Variants in ZNF704 observed in about 807,000 individuals in gnomAD.
ZNF704 encodes glucocorticoid induced gene 1.
Under a neutral mutation model 44.7 loss-of-function variants are expected in ZNF704, and 10 were observed. That is an observed-to-expected ratio of 0.22 (90% confidence interval 0.14 to 0.38). The LOEUF (loss-of-function observed/expected upper bound fraction) is 0.38, where lower values mean the gene tolerates loss of function less well. Ranked by LOEUF, ZNF704 falls within the 10% of genes least tolerant of loss-of-function variation. ZNF704 has a pLI of 1.00. For missense variants in ZNF704, 390 were observed against 545.5 expected (o/e 0.71, Z 2.84); for synonymous variants, 211 against 207.6 (o/e 1.02, Z -0.14).
intron 2 of ZNF704, among the ~76,000 whole-genome samples, chr8:80,712,516 C>T (rs746423794): frequency 2.6e-4 from 40 of 152,138 alleles, no homozygotes; most frequent in Non-Finnish European, 7.3e-5. Flanking sequence ...TCCCCAGAGA[C>T]ATGTCAAAAA....
rs1554566909 is a variant in ZNF704 at position 80,641,209 on chromosome 8, TTC to T, written c.*155_*156del. ...TCATAGGTGGTGACTTAAACAATTT[TTC>T]TGTGTTTTTGCTGTTATTCCTCCAA... On this transcript the variant is annotated 3_prime_UTR_variant, in exon 9 of 9. Coordinates refer to ENST00000327835, the MANE Select transcript of ZNF704 (RefSeq NM_001033723.3). The T allele has an allele frequency of 4.2e-6, 2 of 473,780 alleles. No individual in the cohort carries two copies. The highest frequency in any genetic ancestry group is 7.4e-6 in the Non-Finnish European group (2 of 269,236). The allele number at this position is 473,780 out of a possible 1,614,324, so 29.3% of individuals were successfully genotyped here. A position where few individuals can be genotyped will look rare whatever the true frequency, so the allele number is the denominator to read the frequency against.
rs776146149 is a variant in ZNF704, at chr8:80,665,062, T to C, written c.680A>G (p.Tyr227Cys). ...GTAAAAGTCCTCTTCTCCATCACTG[T>C]AGTCAGAGTCTCCAACGCGCCTAAT... ...IHLGRVGDSD[Y>C]SDGEEDFYYT... Residue 227 changes from tyrosine to cysteine, a missense_variant, in exon 6 of 9, where the codon TAC (tyrosine) becomes TGC (cysteine). Transcript: ENST00000327835. The C allele has an allele frequency of 1.2e-6, 2 of 1,614,194 alleles. No individual in the cohort carries two copies. Among genetic ancestry groups the C allele is most frequent in the Non-Finnish European group, 8.5e-7 (1 of 1,180,006 alleles).
chr8:80,662,136 T>C (rs1267813811), intron 6 of ZNF704, among the ~76,000 whole-genome samples: 1 of 152,110 alleles, frequency 6.6e-6, no homozygotes, highest in Non-Finnish European at 1.5e-5. Flanking sequence ...AAAATGTTCA[T>C]GATATATTAA....
At chr8:80,860,432 G>T (rs1809040217) in intron 1 of ZNF704, among the ~76,000 whole-genome samples, 1 of 152,322 alleles carries the variant, frequency 6.6e-6, no homozygotes. Flanking sequence ...AACTTCACAA[G>T]TTGCTGGTTT....
At chr8:80,848,764 C>G (rs542784834) in intron 1 of ZNF704, among the ~76,000 whole-genome samples, 2 of 151,212 alleles carry the variant, frequency 1.3e-5, no homozygotes, top group Non-Finnish European at 2.9e-5. Flanking sequence ...TGGAGTGAGA[C>G]CCTGTCTCAA....
chr8:80,796,925 GGAAGGGAAAAGGAAAA>G lies in ZNF704; in HGVS notation c.221+24433_221+24448del, dbSNP rs1368862746. 5.5e-3 allele frequency among the ~76,000 whole-genome samples: 718 copies of G among 130,112 alleles called. 5 individuals are homozygous for G. The highest frequency in any genetic ancestry group is 0.022 in the African/African-American group (678 of 30,164). The allele number at this position is 130,112 out of a possible 152,430, so 85.4% of individuals were successfully genotyped here. ...GAGAAAGGGAAAGGGAAAGAGAAAGGGAAGGGAAAAGGAAAAGAAGGGAGGGAGGGAGAGAAGGAAA... is the reference window on the plus strand; with the variant it reads ...GAGAAAGGGAAAGGGAAAGAGAAAGGGAAGGGAGGGAGGGAGAGAAGGAAA... On this transcript the variant is annotated intron_variant, in intron 2 of 8. Transcript: ENST00000327835.
intron 2 of ZNF704, among the ~76,000 whole-genome samples, chr8:80,706,245 C>A (rs763323062): frequency 1.3e-5 from 2 of 152,136 alleles, no homozygotes; most frequent in Non-Finnish European, 2.9e-5. Flanking sequence ...CTTCCAGCTA[C>A]ATTTTCATGG....
intron 2 of ZNF704, among the ~76,000 whole-genome samples, chr8:80,713,933 C>T (rs1348911189): frequency 3.3e-5 from 5 of 152,222 alleles, no homozygotes; most frequent in East Asian, 1.9e-4. Context: ...GAAGAATACA[C>T]TGCAATCCTA....
At chr8:80,834,624 C>G (rs897149585) in intron 1 of ZNF704, among the ~76,000 whole-genome samples, 1 of 152,154 alleles carries the variant, frequency 6.6e-6, no homozygotes, top group Non-Finnish European at 1.5e-5. Flanking sequence ...ATCCGCCCGT[C>G]ATCTAGGTTT....
At chr8:80,721,762 CA>C (rs1649186752) in intron 2 of ZNF704, among the ~76,000 whole-genome samples, 1 of 152,054 alleles carries the variant, frequency 6.6e-6, no homozygotes. Flanking sequence ...ACTTATAGTC[CA>C]GTGGAAGAAC....
chr8:80,858,324 C>CT (rs930518501), intron 1 of ZNF704, among the ~76,000 whole-genome samples: 1 of 152,236 alleles, frequency 6.6e-6, no homozygotes, highest in African/African-American at 2.4e-5. Context: ...ACATTTCCCT[C>CT]TAAGCACTGA....
Position 80,809,364 on chromosome 8 carries a change from G to A in ZNF704, c.221+12010C>T, listed in dbSNP as rs536247806. On this transcript the variant is annotated intron_variant, in intron 2 of 8. Coordinates refer to ENST00000327835, the MANE Select transcript of ZNF704 (RefSeq NM_001033723.3). ...CTTCACTTTAAAAAAATATGTGATAGCAAATTGGATGCAAAAATAGCAGAT... is the reference window on the plus strand; with the variant it reads ...CTTCACTTTAAAAAAATATGTGATAACAAATTGGATGCAAAAATAGCAGAT... 2.6e-5 allele frequency among the ~76,000 whole-genome samples: 4 copies of A among 152,292 alleles called. No individual in the cohort carries two copies. The East Asian group carries it at 7.7e-4, about 29-fold the overall frequency.
chr8:80,735,471 C>T (rs1453628277), intron 2 of ZNF704, among the ~76,000 whole-genome samples: 1 of 152,204 alleles, frequency 6.6e-6, no homozygotes, highest in East Asian at 1.9e-4. Flanking sequence ...GCAGAATCTT[C>T]AAAATCTTCT....
chr8:80,883,540 A>G, the ZNF704 span, among the ~76,000 whole-genome samples: 4 of 152,288 alleles, frequency 2.6e-5, no homozygotes, highest in East Asian at 7.7e-4. Context: ...TTTACTTTTA[A>G]TTAAAGTATG....
intron 1 of ZNF704, among the ~76,000 whole-genome samples, chr8:80,866,119 T>C (rs1586085802): frequency 6.6e-6 from 1 of 152,216 alleles, no homozygotes; most frequent in Non-Finnish European, 1.5e-5. Context: ...AATCACCTCC[T>C]GGCCAAACCA....
chr8:80,708,696 T>C (rs538008826), intron 2 of ZNF704, among the ~76,000 whole-genome samples: 2 of 152,252 alleles, frequency 1.3e-5, no homozygotes, highest in Non-Finnish European at 2.9e-5. Flanking sequence ...GCGCACTTAC[T>C]GTAATAGCAT....
chr8:80,869,884 G>T (rs898063961), intron 1 of ZNF704, among the ~76,000 whole-genome samples: 1 of 152,118 alleles, frequency 6.6e-6, no homozygotes, highest in African/African-American at 2.4e-5. Context: ...AGTCCCATGT[G>T]ACAAAAAACA....
At chr8:80,883,692 T>G in the ZNF704 span, among the ~76,000 whole-genome samples, 1 of 152,236 alleles carries the variant, frequency 6.6e-6, no homozygotes, top group Non-Finnish European at 1.5e-5. Context: ...CCAGGATTCT[T>G]TGCTGCAAAT....
chr8:80,869,069 G>A lies in ZNF704; in HGVS notation c.-22+5502C>T, dbSNP rs766472533. Among the ~76,000 whole-genome samples, 14 of 152,144 alleles carry A rather than the reference G, an allele frequency of 9.2e-5. No individual in the cohort carries two copies. The East Asian group carries it at 1.2e-3, about 13-fold the overall frequency. ...ACAGCTTTTTATCTTTAAATAAGTC[G>A]CTCATCCCTTCTGTAGAATGAAGTT... On this transcript the variant is annotated intron_variant, in intron 1 of 8. Coordinates refer to ENST00000327835, the MANE Select transcript of ZNF704 (RefSeq NM_001033723.3).
Sources: gnomAD v4.1 joint callset for allele counts (sites outside exome capture counted in the v4.1 genomes callset) on GRCh38, gnomAD v4.1.1 for gene constraint, MANE v1.5 for transcripts, NCBI Gene and HGNC (gene_info 2026-07-23, HGNC 2026-07-21) for gene names.